The following DNER variants were observed in gnomAD, a reference collection of about 807,000 sequenced individuals.
DNER encodes the protein delta/notch like EGF repeat containing, also known as delta and Notch-like epidermal growth factor-related receptor.
DNER carries 33 observed loss-of-function variants against 78.2 expected under a neutral mutation model. The ratio of observed to expected loss-of-function variants is 0.42; its 90% confidence interval spans 0.32 to 0.56. The LOEUF is 0.56. Ranked by LOEUF, DNER falls within the 20% of genes least tolerant of loss-of-function variation. DNER has a pLI of 0.11. For missense variants in DNER, 918 were observed against 975.3 expected (o/e 0.94, Z 0.78); for synonymous variants, 417 against 384.8 (o/e 1.08, Z -0.98).
At chr2:229,692,100 A>G (rs113078589) in intron 1 of DNER, among the ~76,000 whole-genome samples, 6 of 152,176 alleles carry the variant, frequency 3.9e-5, no homozygotes, top group South Asian at 2.1e-4. Flanking sequence ...CTGTGCCTAC[A>G]CTTTTCAGCC....
intron 1 of DNER, among the ~76,000 whole-genome samples, chr2:229,662,758 G>A (rs1279161942): frequency 2.0e-5 from 3 of 152,186 alleles, no homozygotes; most frequent in Non-Finnish European, 4.4e-5. Flanking sequence ...CAGTATTTGA[G>A]CAACCAAGCT....
At chr2:229,665,480 C>T (rs1387862722) in intron 1 of DNER, among the ~76,000 whole-genome samples, 3 of 151,966 alleles carry the variant, frequency 2.0e-5, no homozygotes, top group Non-Finnish European at 4.4e-5. Context: ...TAACAATTAA[C>T]ATTTTAAGTA....
At chr2:229,477,089 TTA>T in intron 7 of DNER, 49 bp downstream of exon 7, 2 of 1,431,354 alleles carry the variant, frequency 1.4e-6, no homozygotes, top group East Asian at 2.3e-5. Flanking sequence ...TCAAATTAGT[TTA>T]TGATTTAAAA....
chr2:229,434,992 T>C (rs1258594713), intron 8 of DNER, among the ~76,000 whole-genome samples: 1 of 151,436 alleles, frequency 6.6e-6, no homozygotes, highest in Non-Finnish European at 1.5e-5. Context: ...ATTCTTCACA[T>C]ATTTAGGTTT....
intron 6 of DNER, among the ~76,000 whole-genome samples, chr2:229,502,535 C>T (rs1216896226): frequency 6.6e-6 from 1 of 152,054 alleles, no homozygotes; most frequent in African/African-American, 2.4e-5. Flanking sequence ...GCTGGCAGCC[C>T]GGGGAGCTAC....
chr2:229,660,073 T>C (rs1461211479), intron 1 of DNER, among the ~76,000 whole-genome samples: 1 of 152,158 alleles, frequency 6.6e-6, no homozygotes, highest in Non-Finnish European at 1.5e-5. Context: ...TTAGTAGAGG[T>C]GACATTCTTC....
At chr2:229,647,177 AATACATAC>A (rs753508742) in intron 1 of DNER, among the ~76,000 whole-genome samples, 1 of 152,108 alleles carries the variant, frequency 6.6e-6, no homozygotes, top group Non-Finnish European at 1.5e-5. Context: ...AAAATAAATA[AATACATAC>A]ATACATACAT....
At chr2:229,467,261 G>A (rs1176359826) in intron 7 of DNER, among the ~76,000 whole-genome samples, 2 of 152,156 alleles carry the variant, frequency 1.3e-5, no homozygotes, top group South Asian at 4.1e-4. Context: ...GTGGGAAAAT[G>A]TCTTTAAAAA....
chr2:229,675,791 G>A (rs1292294068), intron 1 of DNER, among the ~76,000 whole-genome samples: 1 of 152,130 alleles, frequency 6.6e-6, no homozygotes, highest in East Asian at 1.9e-4. Context: ...CAGCTCTTCA[G>A]GCTGGCAAGT....
chr2:229,362,778 G>A (rs766299337), intron 12 of DNER, among the ~76,000 whole-genome samples: 5 of 152,112 alleles, frequency 3.3e-5, no homozygotes, highest in Admixed American at 1.3e-4. Context: ...CAGTTAGCAC[G>A]GACATCTCAA....
chr2:229,462,319 A>G (rs889097759), intron 7 of DNER, among the ~76,000 whole-genome samples: 1 of 152,130 alleles, frequency 6.6e-6, no homozygotes, highest in Non-Finnish European at 1.5e-5. Flanking sequence ...AATACAGAAT[A>G]AAGTGACACT....
At chr2:229,403,477 A>C (rs1472932574) in intron 10 of DNER, among the ~76,000 whole-genome samples, 2 of 152,182 alleles carry the variant, frequency 1.3e-5, no homozygotes, top group African/African-American at 4.8e-5. Flanking sequence ...GCCACAGAAC[A>C]CTTTTTTCCA....
chr2:229,624,233 G>A (rs908958102), intron 1 of DNER, among the ~76,000 whole-genome samples: 1 of 152,076 alleles, frequency 6.6e-6, no homozygotes, highest in African/African-American at 2.4e-5. Context: ...ATAACAAAAG[G>A]AAAACACAAC....
At chr2:229,431,569 T>C (rs972020181) in intron 8 of DNER, among the ~76,000 whole-genome samples, 3 of 140,748 alleles carry the variant, frequency 2.1e-5, no homozygotes, top group African/African-American at 5.4e-5. Context: ...ACTTATTATC[T>C]AGGCAAGTGA....
chr2:229,435,545 C>G (rs1694104917), intron 8 of DNER, among the ~76,000 whole-genome samples: 1 of 152,158 alleles, frequency 6.6e-6, no homozygotes. Flanking sequence ...CAAAGATAAA[C>G]TTTTAGGCAT....
intron 11 of DNER, among the ~76,000 whole-genome samples, chr2:229,387,462 A>G (rs1389047526): frequency 1.3e-5 from 2 of 151,016 alleles, no homozygotes; most frequent in Non-Finnish European, 2.9e-5. Flanking sequence ...GTGTCCCAGA[A>G]CTTAAAGTAT....
chr2:229,417,763 C>T (rs555947079), intron 9 of DNER, among the ~76,000 whole-genome samples: 9 of 152,254 alleles, frequency 5.9e-5, no homozygotes, highest in East Asian at 1.9e-4. Flanking sequence ...CTTTATAGGA[C>T]GGCATCCTTC....
intron 5 of DNER, among the ~76,000 whole-genome samples, chr2:229,540,418 C>G (rs915080823): frequency 2.6e-4 from 40 of 151,950 alleles, no homozygotes; most frequent in African/African-American, 8.9e-4. Context: ...AATAGACAAG[C>G]CCAAGAAATG....
chr2:229,681,371 C>T (rs1699384198), intron 1 of DNER, among the ~76,000 whole-genome samples: 1 of 152,146 alleles, frequency 6.6e-6, no homozygotes, highest in African/African-American at 2.4e-5. Flanking sequence ...TAATGGTGGA[C>T]TGGATGCACC....
Sources: gnomAD v4.1 joint callset for allele counts (sites outside exome capture counted in the v4.1 genomes callset) on GRCh38, gnomAD v4.1.1 for gene constraint, MANE v1.5 for transcripts, NCBI Gene and HGNC (gene_info 2026-07-23, HGNC 2026-07-21) for gene names.